ALG1: variants seen among roughly 807,000 people sequenced by gnomAD.
ALG1 encodes the protein chitobiosyldiphosphodolichol beta-mannosyltransferase.
In ALG1, 58 loss-of-function variants were observed where a neutral mutation model predicts 55.1. The ratio of observed to expected loss-of-function variants is 1.05; its 90% CI spans 0.85 to 1.31. The LOEUF (loss-of-function observed/expected upper bound fraction) is 1.31, where lower values mean the gene tolerates loss of function less well. Ranked by LOEUF, ALG1 falls within the 50% of genes most tolerant of loss-of-function variation. The probability of loss-of-function intolerance (pLI) is 0.00; values close to 1 mark genes in which losing one functional copy is unlikely to be tolerated. For missense variants in ALG1, 761 were observed against 598.6 expected, an observed-to-expected ratio of 1.27 and a Z score of -2.83; for synonymous variants, 309 against 247.0, an observed-to-expected ratio of 1.25 and a Z score of -2.35.
At chr16:5,072,474 C>T (rs1293975716) in intron 1 of ALG1, among the ~76,000 whole-genome samples, 1 of 152,178 alleles carries the variant, frequency 6.6e-6, no homozygotes, top group African/African-American at 2.4e-5. Context: ...CCAGCTTTTC[C>T]CCACAGTGTG....
At chr16:5,073,923 C>T (rs906352933) in intron 3 of ALG1, among the ~76,000 whole-genome samples, 1 of 152,162 alleles carries the variant, frequency 6.6e-6, no homozygotes, top group African/African-American at 2.4e-5. Context: ...CCATGTTGGC[C>T]AGGCTGTTCT....
chr16:5,080,872 G>C (rs545697245), intron 9 of ALG1, 74 bp from the exon 10 acceptor site: 17 of 1,554,538 alleles, frequency 1.1e-5, no homozygotes, highest in African/African-American at 2.7e-5. Context: ...TCCTAGGGGG[G>C]AGTGTCTTGG....
At chr16:5,075,000 C>A (rs1956883228) in intron 3 of ALG1, among the ~76,000 whole-genome samples, 1 of 152,086 alleles carries the variant, frequency 6.6e-6, no homozygotes, top group South Asian at 2.1e-4. Context: ...TCCTCCTGGG[C>A]TCAAGTGATC....
At chr16:5,075,597 G>A in intron 4 of ALG1, 61 bp downstream of exon 4, 1 of 1,604,430 alleles carries the variant, frequency 6.2e-7, no homozygotes, top group East Asian at 2.2e-5. Context: ...TGAGTGAGAA[G>A]AAGGGCCATA....
Position 5,085,700 on chromosome 16 carries a change from G to T in ALG1, c.*819G>T, listed in dbSNP as rs771051209. The T allele has an allele frequency of 6.2e-7, 1 of 1,611,826 alleles. No homozygotes were observed. Among genetic ancestry groups the T allele is most frequent in the Admixed American group, 1.7e-5 (1 of 59,994 alleles). The stretch of plus-strand genomic sequence containing the variant: ...TAGGGAAACAGTTTCTGCTCATGAC[G>T]AGGTTCCACTTCCCATCTGATCCCG... On this transcript the variant is annotated 3_prime_UTR_variant, in exon 13 of 13. Transcript: ENST00000262374.
At position 5,074,935 on chromosome 16, in the gene ALG1, C is replaced by G. The variant is rs1956881779; in HGVS notation, c.391-453C>G. The stretch of plus-strand genomic sequence containing the variant: ...TGTTTGTTTTAGAGGCAGAGTCTAG[C>G]TCTGTCGCCCAGGCTGGAGTGCAGT... On this transcript the variant is annotated intron_variant, in intron 3 of 12. Transcript: ENST00000262374. 2.0e-5 allele frequency among the ~76,000 whole-genome samples: 3 copies of G among 152,180 alleles called. No homozygotes were observed. The South Asian group carries it at 6.2e-4, about 31-fold the overall frequency.
Position 5,085,483 on chromosome 16 carries a change from A to C in ALG1, c.*602A>C. 4.3e-6 allele frequency: 3 copies of C among 702,060 alleles called. No homozygotes were observed. Among genetic ancestry groups the C allele is most frequent in the South Asian group, 3.3e-5 (2 of 60,752 alleles). The allele number at this position is 702,060 out of a possible 1,614,324, so 43.5% of individuals were successfully genotyped here. A position where few individuals can be genotyped will look rare whatever the true frequency, so the allele number is the denominator to read the frequency against. Reference sequence around the variant, plus strand: ...CACACGCTTAGATAGCCGATGTCTTATTAGAGGGCAGTTTGTGGTTCCTGA... The same window carrying C: ...CACACGCTTAGATAGCCGATGTCTTCTTAGAGGGCAGTTTGTGGTTCCTGA... On this transcript the variant is annotated 3_prime_UTR_variant, in exon 13 of 13. Coordinates refer to ENST00000262374, the MANE Select transcript of ALG1 (RefSeq NM_019109.5).
chr16:5,073,577 G>A (rs1956858337), intron 3 of ALG1: 1 of 425,374 alleles, frequency 2.4e-6, no homozygotes, highest in Non-Finnish European at 4.3e-6. Context: ...TCATTTAGAT[G>A]AGAAAACCTA....
chr16:5,073,330 A>C, intron 3 of ALG1, 74 bp downstream of exon 3: 1 of 1,320,656 alleles, frequency 7.6e-7, no homozygotes, highest in Non-Finnish European at 1.1e-6. Context: ...TTGGTACTAT[A>C]TTGCATATTC....
intron 1 of ALG1, 93 bp from the exon 2 acceptor site, chr16:5,072,858 A>G (rs1956840906): frequency 8.2e-7 from 1 of 1,216,978 alleles, no homozygotes; most frequent in Non-Finnish European, 1.2e-6. Flanking sequence ...CTTACTTTCC[A>G]AAACACTGTC....
intron 8 of ALG1, 84 bp from the exon 9 acceptor site, chr16:5,079,663 TG>T: frequency 6.7e-7 from 1 of 1,482,894 alleles, no homozygotes. Flanking sequence ...CATTCCAGCC[TG>T]GGTGACAGAG....
rs186602069 is a variant in ALG1, at chr16:5,086,185, A to G, written c.*1304A>G. Among the ~76,000 whole-genome samples the G allele has an allele frequency of 3.6e-4, 55 of 152,278 alleles. No individual in the cohort carries two copies. The East Asian group carries it at 0.01, about 28-fold the overall frequency. Reference sequence around the variant, plus strand: ...ATCCCATCTCTACAAAAATACAGAAATTAGCCAGGCATGATGGCGAGTGCC... The same window carrying G: ...ATCCCATCTCTACAAAAATACAGAAGTTAGCCAGGCATGATGGCGAGTGCC... On this transcript the variant is annotated 3_prime_UTR_variant, in exon 13 of 13. Transcript: ENST00000262374.
In ALG1 at chr16:5,078,737, CT is replaced by C. The variant is rs749328532; in HGVS notation, c.741-13del. On this transcript the variant is annotated intron_variant, in intron 6 of 12. Coordinates refer to ENST00000262374, the MANE Select transcript of ALG1 (RefSeq NM_019109.5). ...GGCCTGCTCTATGGCCTCTCACAGG[CT>C]TTTTTTCTGCTCCTTCAGCTCAGAA... 28 of 1,612,618 alleles carry C rather than the reference CT, an allele frequency of 1.7e-5. No homozygotes were observed. The African/African-American group carries it at 2.7e-4, about 15-fold the overall frequency.
At chr16:5,079,895 C>G in intron 9 of ALG1, 88 bp downstream of exon 9, 1 of 1,471,766 alleles carries the variant, frequency 6.8e-7, no homozygotes, top group East Asian at 2.3e-5. Context: ...TTCCCATGAT[C>G]TTGTCTCCTT....
At chr16:5,076,045 G>A (rs1956906801) in intron 4 of ALG1, among the ~76,000 whole-genome samples, 1 of 152,220 alleles carries the variant, frequency 6.6e-6, no homozygotes, top group African/African-American at 2.4e-5. Flanking sequence ...CAGGGCTGCT[G>A]TTGGTAGCTG....
chr16:5,085,054 T>C lies in ALG1; in HGVS notation c.*173T>C, dbSNP rs1957106913. 21 of 1,234,748 alleles carry C rather than the reference T, an allele frequency of 1.7e-5. No homozygotes were observed. In the Middle Eastern group the frequency reaches 1.6e-3, roughly 97 times the overall value. 76.5% of individuals were successfully genotyped at this position (1,234,748 alleles called of 1,614,324 possible). A position where few individuals can be genotyped will look rare whatever the true frequency, so the allele number is the denominator to read the frequency against. On this transcript the variant is annotated 3_prime_UTR_variant, in exon 13 of 13. Transcript: ENST00000262374. ...GTTCTGTGACCCGGGAAGCTTTGGTTGGCCTTGATTTCTTCTCTGGAGGCT... is the reference window on the plus strand; with the variant it reads ...GTTCTGTGACCCGGGAAGCTTTGGTCGGCCTTGATTTCTTCTCTGGAGGCT...
rs942644540 is a variant in ALG1 at position 5,072,158 on chromosome 16, C to T, written c.208+101C>T. 123 of 1,541,114 alleles carry T rather than the reference C, an allele frequency of 8.0e-5. No individual in the cohort carries two copies. In the African/African-American group the frequency reaches 1.6e-3, roughly 20 times the overall value. On this transcript the variant is annotated intron_variant, in intron 1 of 12. Coordinates refer to ENST00000262374, the MANE Select transcript of ALG1 (RefSeq NM_019109.5). ...GAGGCGGAAGTGCTCCTTTAGTCGC[C>T]GCCTTTGGGCAGCTCTCCGAGATTA...
Position 5,085,511 on chromosome 16 carries a change from T to C in ALG1, c.*630T>C. 1.2e-6 allele frequency: 1 copy of C among 852,036 alleles called. No homozygotes were observed. Among genetic ancestry groups the C allele is most frequent in the Non-Finnish European group, 2.0e-6 (1 of 500,784 alleles). The allele number at this position is 852,036 out of a possible 1,614,324, so 52.8% of individuals were successfully genotyped here. A position where few individuals can be genotyped will look rare whatever the true frequency, so the allele number is the denominator to read the frequency against. The stretch of plus-strand genomic sequence containing the variant: ...AGAGGGCAGTTTGTGGTTCCTGATT[T>C]GGAAATTAACATTCTCCAAACATTC... On this transcript the variant is annotated 3_prime_UTR_variant, in exon 13 of 13. Transcript: ENST00000262374.
intron 3 of ALG1, 147 bp downstream of exon 3, chr16:5,073,403 C>CT (rs1212544333): frequency 7.0e-6 from 5 of 709,278 alleles, no homozygotes; most frequent in Non-Finnish European, 1.3e-5. Flanking sequence ...TGGTATGTGT[C>CT]TATTTATGGC....
Sources: allele counts gnomAD v4.1 joint callset (sites outside exome capture counted in the v4.1 genomes callset), GRCh38; gene constraint gnomAD v4.1.1; transcripts MANE v1.5; gene names NCBI Gene and HGNC (gene_info 2026-07-23, HGNC 2026-07-21).